GREB1L: variants seen among roughly 807,000 people sequenced by gnomAD.
GREB1L encodes the protein GREB1 like retinoic acid receptor coactivator.
In GREB1L, 17 loss-of-function variants were observed where a neutral mutation model predicts 200.8. That is an observed-to-expected ratio of 0.08 (90% CI 0.06 to 0.13). The LOEUF is 0.13. GREB1L is among the 10% of genes least tolerant of loss of function. The pLI, the probability that GREB1L is intolerant of heterozygous loss-of-function variation, is 1.00. For missense variants in GREB1L, 1,657 were observed against 2,367.7 expected (o/e 0.70, Z 6.23); for synonymous variants, 789 against 893.0 (o/e 0.88, Z 2.08).
At chr18:21,390,204 C>T (rs1174493791) in intron 4 of GREB1L, among the ~76,000 whole-genome samples, 2 of 152,062 alleles carry the variant, frequency 1.3e-5, no homozygotes, top group Admixed American at 6.6e-5. Flanking sequence ...CAATTAGGTA[C>T]ACCACATGAT....
intron 7 of GREB1L, 109 bp from the exon 8 acceptor site, chr18:21,439,412 G>A: frequency 1.5e-6 from 1 of 652,478 alleles, no homozygotes; most frequent in South Asian, 1.9e-5. Context: ...CTATCCGTGA[G>A]GTTTCTTGGA....
chr18:21,311,794 AT>A (rs922496418), intron 1 of GREB1L, among the ~76,000 whole-genome samples: 5 of 151,800 alleles, frequency 3.3e-5, no homozygotes, highest in Admixed American at 3.3e-4. Flanking sequence ...AAATGTATAC[AT>A]TTTTTCTGGC....
chr18:21,431,272 G>T (rs1044131806), intron 7 of GREB1L, among the ~76,000 whole-genome samples: 1 of 151,818 alleles, frequency 6.6e-6, no homozygotes, highest in African/African-American at 2.4e-5. Flanking sequence ...TGATCCGCCT[G>T]CCTCGGTCTC....
intron 19 of GREB1L, among the ~76,000 whole-genome samples, chr18:21,492,352 A>G (rs1369543898): frequency 1.3e-5 from 2 of 152,082 alleles, no homozygotes; most frequent in Non-Finnish European, 2.9e-5. Flanking sequence ...TCTCAAAAAA[A>G]AAAGAAAGAA....
intron 1 of GREB1L, among the ~76,000 whole-genome samples, chr18:21,278,195 C>T (rs2038201723): frequency 6.6e-6 from 1 of 151,986 alleles, no homozygotes; most frequent in Admixed American, 6.6e-5. Context: ...GCCTGGCCAA[C>T]ATGGCGAAAC....
intron 4 of GREB1L, among the ~76,000 whole-genome samples, chr18:21,386,314 C>T (rs773989561): frequency 7.2e-5 from 11 of 151,904 alleles, no homozygotes; most frequent in Non-Finnish European, 1.0e-4. Flanking sequence ...TTATTTGAGA[C>T]GGAGTCTCAC....
chr18:21,492,162 C>T lies in GREB1L; in HGVS notation c.3030+1811C>T, dbSNP rs1323172188. Among the ~76,000 whole-genome samples, 10 of 151,796 alleles carry T rather than the reference C, an allele frequency of 6.6e-5. No individual in the cohort carries two copies. The East Asian group carries it at 7.8e-4, about 12-fold the overall frequency. Reference sequence around the variant, plus strand: ...GAGATCAAGACCACCCTGGCTAACACGGTGAAACCCTGTCTCTACTAAAAA... The same window carrying T: ...GAGATCAAGACCACCCTGGCTAACATGGTGAAACCCTGTCTCTACTAAAAA... On this transcript the variant is annotated intron_variant, in intron 19 of 32. Coordinates refer to ENST00000424526, the MANE Select transcript of GREB1L (RefSeq NM_001142966.3).
intron 1 of GREB1L, among the ~76,000 whole-genome samples, chr18:21,275,447 A>T (rs567765956): frequency 1.4e-4 from 22 of 152,150 alleles, no homozygotes; most frequent in African/African-American, 4.8e-4. Context: ...CAGTATATAT[A>T]ATAAACAAAA....
At chr18:21,284,659 G>A (rs1337503053) in intron 1 of GREB1L, among the ~76,000 whole-genome samples, 1 of 152,158 alleles carries the variant, frequency 6.6e-6, no homozygotes, top group East Asian at 1.9e-4. Context: ...TTTTTGTATG[G>A]ATGTATGTTT....
chr18:21,257,094 T>TTA (rs1388445337), intron 1 of GREB1L, among the ~76,000 whole-genome samples: 2 of 152,044 alleles, frequency 1.3e-5, no homozygotes, highest in Non-Finnish European at 2.9e-5. Flanking sequence ...GTCTCAGACT[T>TTA]ATTAGAGAGT....
chr18:21,336,523 C>T (rs2039187715), intron 1 of GREB1L, among the ~76,000 whole-genome samples: 1 of 152,214 alleles, frequency 6.6e-6, no homozygotes, highest in Admixed American at 6.5e-5. Context: ...TTCACCCCAG[C>T]TGCCCGCATA....
rs1310029484 is a variant in GREB1L, at chr18:21,384,257, C to G, written c.209C>G (p.Thr70Ser). Residue 70 changes from threonine (T) to serine (S), a missense_variant, in exon 4 of 33, where the codon ACT (threonine) becomes AGT (serine). This residue lies in a region of GREB1L where 121 missense variants were observed against 126.6 expected (regional missense o/e 0.96). Coordinates refer to ENST00000424526, the MANE Select transcript of GREB1L (RefSeq NM_001142966.3). The stretch of plus-strand genomic sequence containing the variant: ...GACAAAGATTTGGTAAACCGCTACA[C>G]TCAAAATGGAAGTCTGGATTTTTCT... ...DLDKDLVNRYTQNGSLDFSNN... is the reference protein window; with the variant it reads ...DLDKDLVNRYSQNGSLDFSNN... 3 of 1,551,404 alleles carry G rather than the reference C, an allele frequency of 1.9e-6. No individual in the cohort carries two copies. Among genetic ancestry groups the G allele is most frequent in the Non-Finnish European group, 2.6e-6 (3 of 1,146,732 alleles).
intron 2 of GREB1L, among the ~76,000 whole-genome samples, chr18:21,382,099 C>T (rs2144016873): frequency 6.6e-6 from 1 of 152,282 alleles, no homozygotes; most frequent in African/African-American, 2.4e-5. Context: ...AATCCCAGCA[C>T]TTTGGGAAGC....
chr18:21,497,749 G>T (rs1257255545), intron 21 of GREB1L, among the ~76,000 whole-genome samples: 2 of 146,576 alleles, frequency 1.4e-5, no homozygotes, highest in Non-Finnish European at 3.0e-5. Context: ...TGAAACACAC[G>T]CCCACTTCCA....
At chr18:21,279,373 T>G (rs1356119874) in intron 1 of GREB1L, among the ~76,000 whole-genome samples, 1 of 152,182 alleles carries the variant, frequency 6.6e-6, no homozygotes, top group East Asian at 1.9e-4. Context: ...TATGCCTAAA[T>G]TTCTTTATCA....
intron 27 of GREB1L, among the ~76,000 whole-genome samples, chr18:21,510,025 T>C (rs975701405): frequency 6.6e-6 from 1 of 151,638 alleles, no homozygotes; most frequent in Admixed American, 6.6e-5. Context: ...CTGGCCAACA[T>C]GGTGAAACCC....
Position 21,321,306 on chromosome 18 carries a change from T to G in GREB1L, c.-119-44721T>G, listed in dbSNP as rs1402883132. 2.0e-5 allele frequency among the ~76,000 whole-genome samples: 3 copies of G among 151,002 alleles called. No individual in the cohort carries two copies. The East Asian group carries it at 5.9e-4, about 30-fold the overall frequency. On this transcript the variant is annotated intron_variant, in intron 1 of 32. Transcript: ENST00000424526. ...GTCTCAAAAAATAAAATTAAATAAA[T>G]AAAATAAAATCTTAAGAAACCTTAT...
At chr18:21,429,104 A>G (rs2032902707) in intron 7 of GREB1L, among the ~76,000 whole-genome samples, 1 of 141,666 alleles carries the variant, frequency 7.1e-6, no homozygotes, top group South Asian at 2.3e-4. Flanking sequence ...TTCATAAACT[A>G]TTCTCCCTTC....
At chr18:21,444,498 C>A (rs769246189) in intron 11 of GREB1L, 89 bp downstream of exon 11, 1 of 1,038,968 alleles carries the variant, frequency 9.6e-7, no homozygotes, top group Non-Finnish European at 1.4e-6. Flanking sequence ...ATTTATCCTC[C>A]TATCTCTTAT....
Sources: gnomAD v4.1 joint callset for allele counts (sites outside exome capture counted in the v4.1 genomes callset) on GRCh38, gnomAD v4.1.1 for gene constraint, gnomAD v4.1.1 regional missense constraint, MANE v1.5 for transcripts, NCBI Gene and HGNC (gene_info 2026-07-23, HGNC 2026-07-21) for gene names.